SLC2A14: variants seen among roughly 807,000 people sequenced by gnomAD.
SLC2A14 encodes the protein solute carrier family 2 member 14.
Under a neutral mutation model 43.0 loss-of-function variants are expected in SLC2A14, and 13 were observed. The ratio of observed to expected loss-of-function variants is 0.30; its 90% CI spans 0.20 to 0.48. The LOEUF (loss-of-function observed/expected upper bound fraction) is 0.48, where lower values mean the gene tolerates loss of function less well. Ranked by LOEUF, SLC2A14 falls within the 20% of genes least tolerant of loss-of-function variation. The probability of loss-of-function intolerance (pLI) is 0.99; values close to 1 mark genes in which losing one functional copy is unlikely to be tolerated. For missense variants in SLC2A14, 428 were observed against 620.4 expected (o/e 0.69, Z 3.29); for synonymous variants, 190 against 233.8 (o/e 0.81, Z 1.71).
chr12:7,842,812 T>C (rs779835715), intron 2 of SLC2A14, among the ~76,000 whole-genome samples: 66 of 151,426 alleles, frequency 4.4e-4, no homozygotes, highest in African/African-American at 1.4e-3. Context: ...CATCGCAACC[T>C]CCGCCTCCCG....
At chr12:7,846,169 G>A (rs1299160376) in intron 2 of SLC2A14, among the ~76,000 whole-genome samples, 1 of 152,036 alleles carries the variant, frequency 6.6e-6, no homozygotes, top group African/African-American at 2.4e-5. Flanking sequence ...CAGACCTACA[G>A]AATCAGAATT....
At chr12:7,883,061 T>C (rs1431747446) in intron 1 of SLC2A14, among the ~76,000 whole-genome samples, 1 of 151,270 alleles carries the variant, frequency 6.6e-6, no homozygotes, top group Non-Finnish European at 1.5e-5. Context: ...ATACAAAAAT[T>C]AGCTGGACAT....
upstream of SLC2A14, among the ~76,000 whole-genome samples, chr12:7,874,873 TATAA>T (rs1945410133): frequency 1.1e-5 from 1 of 91,902 alleles, no homozygotes; most frequent in South Asian, 3.1e-4. Context: ...TAAATACATA[TATAA>T]ATATATATTT....
upstream of SLC2A14, among the ~76,000 whole-genome samples, chr12:7,875,725 C>G (rs761048346): frequency 3.3e-5 from 5 of 152,058 alleles, no homozygotes; most frequent in African/African-American, 4.8e-5. Flanking sequence ...GTAATCCTAA[C>G]ACTTTGAAAG....
intron 2 of SLC2A14, among the ~76,000 whole-genome samples, chr12:7,855,590 GT>G: frequency 6.6e-6 from 1 of 151,894 alleles, no homozygotes; most frequent in East Asian, 1.9e-4. Context: ...TACCCGAAAC[GT>G]TTACACATGT....
At chr12:7,827,893 C>G (rs958156343) in intron 6 of SLC2A14, among the ~76,000 whole-genome samples, 1 of 152,106 alleles carries the variant, frequency 6.6e-6, no homozygotes, top group Non-Finnish European at 1.5e-5. Flanking sequence ...GTAATCCCAG[C>G]ATTTTGTGAG....
Position 7,817,865 on chromosome 12 carries a change from T to A in SLC2A14, c.1241A>T (p.Asn414Ile), listed in dbSNP as rs757721252. 1.9e-6 allele frequency: 3 copies of A among 1,613,904 alleles called. No individual in the cohort carries two copies. Among genetic ancestry groups the A allele is most frequent in the African/African-American group, 1.3e-5 (1 of 74,904 alleles). The change falls in exon 10 of 11, where the codon AAC becomes ATC. Residue 414 changes from asparagine (N) to isoleucine (I), a missense_variant. This residue lies in a region of SLC2A14 where 119 missense variants were observed against 188.7 expected (regional missense o/e 0.63). Transcript: ENST00000431042. ...AVAGCSNWTSNFLVGLLFPSA... is the reference protein window; with the variant it reads ...AVAGCSNWTSIFLVGLLFPSA... ...GGGGAAGAGCAATCCGACTAGGAAGTTGGAGGTCCAGTTGGAGCAGCCGGC... is the reference window on the plus strand; with the variant it reads ...GGGGAAGAGCAATCCGACTAGGAAGATGGAGGTCCAGTTGGAGCAGCCGGC...
intron 2 of SLC2A14, among the ~76,000 whole-genome samples, chr12:7,867,793 C>T (rs1415610725): frequency 5.4e-5 from 8 of 148,800 alleles, no homozygotes; most frequent in Non-Finnish European, 8.9e-5. Flanking sequence ...TGCAGTGAGC[C>T]GAGATCGTTC....
At chr12:7,841,844 A>G (rs1592222017) in intron 2 of SLC2A14, among the ~76,000 whole-genome samples, 2 of 151,908 alleles carry the variant, frequency 1.3e-5, no homozygotes, top group South Asian at 4.2e-4. Flanking sequence ...CATCTCTACT[A>G]AAAATATAAA....
chr12:7,843,906 C>A (rs1866226328), intron 2 of SLC2A14, among the ~76,000 whole-genome samples: 1 of 148,640 alleles, frequency 6.7e-6, no homozygotes, highest in African/African-American at 2.5e-5. Context: ...GAAAAAAACA[C>A]ATTGTTTTCT....
At chr12:7,870,047 T>C (rs905480049) in intron 1 of SLC2A14, 110 bp from the exon 2 acceptor site, 19 of 549,224 alleles carry the variant, frequency 3.5e-5, no homozygotes, top group Non-Finnish European at 5.9e-5. Context: ...TAAATACTTC[T>C]GGAAGAAAAG....
chr12:7,818,037 G>A lies in SLC2A14; in HGVS notation c.1072-3C>T, dbSNP rs1308760050. 5 of 1,612,488 alleles carry A rather than the reference G, an allele frequency of 3.1e-6. No individual in the cohort carries two copies. Among genetic ancestry groups the A allele is most frequent in the African/African-American group, 1.3e-5 (1 of 74,864 alleles). ...AAGCTCATCCCATTATAGTGATTCT[G>A]TAAGAGGAAGGAACACAGAAGATTA... On this transcript the variant is annotated splice_polypyrimidine_tract_variant and splice_region_variant and intron_variant, in intron 9 of 10. Transcript: ENST00000431042.
At chr12:7,878,771 G>A (rs1428059748) in intron 1 of SLC2A14, among the ~76,000 whole-genome samples, 2 of 151,592 alleles carry the variant, frequency 1.3e-5, no homozygotes, top group Non-Finnish European at 2.9e-5. Flanking sequence ...GAGGTCAGGA[G>A]ATTGAGACCA....
At chr12:7,833,133 A>G (rs1865169182) in intron 2 of SLC2A14, among the ~76,000 whole-genome samples, 1 of 152,204 alleles carries the variant, frequency 6.6e-6, no homozygotes, top group Non-Finnish European at 1.5e-5. Context: ...TAGGCATAGA[A>G]TTCCACTCAC....
In SLC2A14 at chr12:7,858,411, T is replaced by C. The variant is rs369064918; in HGVS notation, c.18+11452A>G. On this transcript the variant is annotated intron_variant, in intron 2 of 10. Transcript: ENST00000431042. ...TATTCTAGATACAAGCCCCTTATCA[T>C]ACACATGATTTGCTATAATTGTCTC... Among the ~76,000 whole-genome samples, 4 of 152,202 alleles carry C rather than the reference T, an allele frequency of 2.6e-5. 1 individual carries two copies. The highest frequency in any genetic ancestry group is 3.8e-4 in the East Asian group (2 of 5,204).
At chr12:7,834,468 C>A (rs1035630028) in intron 2 of SLC2A14, among the ~76,000 whole-genome samples, 2 of 150,652 alleles carry the variant, frequency 1.3e-5, no homozygotes, top group Admixed American at 1.3e-4. Context: ...GCAGAAGGAT[C>A]ACTTGAGCCT....
chr12:7,834,634 G>A (rs1204028424), intron 2 of SLC2A14, among the ~76,000 whole-genome samples: 1 of 151,478 alleles, frequency 6.6e-6, no homozygotes, highest in South Asian at 2.1e-4. Context: ...TGGGAGGCTG[G>A]GGTGGGAGGA....
chr12:7,890,645 G>A (rs1272825513), intron 1 of SLC2A14, among the ~76,000 whole-genome samples: 1 of 152,008 alleles, frequency 6.6e-6, no homozygotes, highest in Non-Finnish European at 1.5e-5. Context: ...TGCTTTCCTT[G>A]GCAAAGAACA....
At position 7,872,168 on chromosome 12, in the gene SLC2A14, A is replaced by T. The variant is rs148297388; in HGVS notation, c.-58+639T>A. The T allele has an allele frequency of 2.8e-4, 42 of 152,372 alleles. 1 individual carries two copies. Among genetic ancestry groups the T allele is most frequent in the African/African-American group, 9.9e-4 (41 of 41,542 alleles). The allele number at this position is 152,372 out of a possible 1,614,324, so 9.4% of individuals were successfully genotyped here. Reference sequence around the variant, plus strand: ...CACTTCAGACATAAATCACTGAATGAATCCAGCACTGAATAAATGAATGAT... The same window carrying T: ...CACTTCAGACATAAATCACTGAATGTATCCAGCACTGAATAAATGAATGAT... On this transcript the variant is annotated intron_variant, in intron 1 of 10. Coordinates refer to ENST00000431042, the MANE Select transcript of SLC2A14 (RefSeq NM_001286234.2).
Sources: gnomAD v4.1 joint callset for allele counts (sites outside exome capture counted in the v4.1 genomes callset) on GRCh38, gnomAD v4.1.1 for gene constraint, gnomAD v4.1.1 regional missense constraint, MANE v1.5 for transcripts, NCBI Gene and HGNC (gene_info 2026-07-23, HGNC 2026-07-21) for gene names.